N4BP2L2: variants seen among roughly 807,000 people sequenced by gnomAD.
The protein encoded by N4BP2L2 is NEDD4 binding protein 2 like 2.
Under a neutral mutation model 56.2 loss-of-function variants are expected in N4BP2L2, and 50 were observed. The ratio of observed to expected loss-of-function variants is 0.89; its 90% CI spans 0.71 to 1.13. The LOEUF (loss-of-function observed/expected upper bound fraction) is 1.13, where lower values mean the gene tolerates loss of function less well. N4BP2L2 is among the 50% of genes most tolerant of loss of function. N4BP2L2 has a pLI of 0.00. For synonymous variants in N4BP2L2, 203 were observed against 223.6 expected (o/e 0.91, Z 0.82); for missense variants, 689 against 693.8 (o/e 0.99, Z 0.08).
chr13:32,434,170 G>A (rs1435066958), intron 9 of N4BP2L2, among the ~76,000 whole-genome samples: 3 of 150,566 alleles, frequency 2.0e-5, no homozygotes, highest in Non-Finnish European at 3.0e-5. Flanking sequence ...TCCGCCTCCC[G>A]GGTTCAAACA....
At chr13:32,518,725 T>C (rs1279654678) in intron 5 of N4BP2L2, among the ~76,000 whole-genome samples, 2 of 152,180 alleles carry the variant, frequency 1.3e-5, no homozygotes, top group Non-Finnish European at 2.9e-5. Flanking sequence ...TAACTGTGAC[T>C]GGGAAGAGGA....
chr13:32,462,098 T>A (rs892602478), intron 6 of N4BP2L2, among the ~76,000 whole-genome samples: 3 of 152,056 alleles, frequency 2.0e-5, no homozygotes, highest in African/African-American at 7.2e-5. Context: ...GGGATATTTA[T>A]CCAAAGGAAA....
At chr13:32,522,362 T>A in intron 3 of N4BP2L2, 92 bp from the exon 4 acceptor site, 2 of 832,558 alleles carry the variant, frequency 2.4e-6, no homozygotes, top group Non-Finnish European at 3.5e-6. Flanking sequence ...GTACTACGTC[T>A]CTGTACTTAA....
intron 2 of N4BP2L2, among the ~76,000 whole-genome samples, chr13:32,534,944 A>G (rs1232313100): frequency 6.6e-6 from 1 of 152,244 alleles, no homozygotes; most frequent in Non-Finnish European, 1.5e-5. Flanking sequence ...TAAACAAAAA[A>G]AGGAATTTGA....
chr13:32,448,523 G>A (rs2077376096), intron 6 of N4BP2L2, among the ~76,000 whole-genome samples: 2 of 152,168 alleles, frequency 1.3e-5, no homozygotes, highest in Admixed American at 1.3e-4. Context: ...CTTTCTAGAT[G>A]ATGGCTTAGA....
downstream of N4BP2L2, chr13:32,506,617 G>T (rs545553435): frequency 6.6e-6 from 1 of 152,208 alleles, no homozygotes; most frequent in African/African-American, 2.4e-5. Context: ...ATGTATTTGG[G>T]ACCTCATCAA....
intron 2 of N4BP2L2, among the ~76,000 whole-genome samples, chr13:32,532,126 AT>A (rs1246554425): frequency 1.3e-5 from 2 of 152,228 alleles, no homozygotes; most frequent in Non-Finnish European, 2.9e-5. Flanking sequence ...AATTTGCAAA[AT>A]CCAATTTACC....
At chr13:32,528,976 C>T (rs2053877942) in intron 2 of N4BP2L2, among the ~76,000 whole-genome samples, 1 of 152,144 alleles carries the variant, frequency 6.6e-6, no homozygotes, top group African/African-American at 2.4e-5. Flanking sequence ...TGCACATCCT[C>T]CCATACACTT....
intron 6 of N4BP2L2, among the ~76,000 whole-genome samples, chr13:32,482,853 A>C (rs1403025261): frequency 6.6e-6 from 1 of 152,222 alleles, no homozygotes; most frequent in African/African-American, 2.4e-5. Context: ...TACAAAATTT[A>C]AATTTCTCTT....
chr13:32,520,978 T>A (rs1435142323), intron 5 of N4BP2L2, among the ~76,000 whole-genome samples: 2 of 152,216 alleles, frequency 1.3e-5, no homozygotes, highest in Non-Finnish European at 2.9e-5. Context: ...AGATGTTTGA[T>A]TATAACATGC....
rs768260365 is a variant in N4BP2L2 at position 32,443,019 on chromosome 13, A to G, written c.1473T>C (p.Arg491=). The change falls in exon 7 of 10, where the codon CGT becomes CGC. Residue 491 remains arginine (R), a synonymous_variant. Transcript: ENST00000357505. Reference sequence around the variant, plus strand: ...ATTTCTCCCTTTCTTTTACACCGATACGACTCTGTCCTAATAAGTCAAAAT... The same window carrying G: ...ATTTCTCCCTTTCTTTTACACCGATGCGACTCTGTCCTAATAAGTCAAAAT... 1.7e-5 allele frequency: 27 copies of G among 1,613,370 alleles called. No individual in the cohort carries two copies. The South Asian group carries it at 3.0e-4, about 18-fold the overall frequency.
chr13:32,441,052 G>C (rs1328040064), intron 7 of N4BP2L2, among the ~76,000 whole-genome samples: 1 of 149,602 alleles, frequency 6.7e-6, no homozygotes, highest in Non-Finnish European at 1.5e-5. Flanking sequence ...GCATGTTTTC[G>C]TCATGTTAGC....
chr13:32,530,546 G>C (rs1158112879), intron 2 of N4BP2L2, among the ~76,000 whole-genome samples: 1 of 152,074 alleles, frequency 6.6e-6, no homozygotes, highest in African/African-American at 2.4e-5. Flanking sequence ...GGGCTCATTG[G>C]CCACTTGATT....
In N4BP2L2 at chr13:32,441,779, C is replaced by T. The variant is rs184622319; in HGVS notation, c.2104+609G>A. On this transcript the variant is annotated intron_variant, in intron 7 of 9. Transcript: ENST00000357505. ...AAAGGTTTGGCCGGGCGCGGTGGCTCACGCCTGTAATCCCAGCACTTTGGG... is the reference window on the plus strand; with the variant it reads ...AAAGGTTTGGCCGGGCGCGGTGGCTTACGCCTGTAATCCCAGCACTTTGGG... Among the ~76,000 whole-genome samples, 1,378 of 149,902 alleles carry T rather than the reference C, an allele frequency of 9.2e-3. 29 individuals carry two copies. The highest frequency in any genetic ancestry group is 0.032 in the African/African-American group (1,325 of 41,102).
exon 6 of N4BP2L2, chr13:32,513,256 C>T (rs1418475611): frequency 2.6e-5 from 4 of 152,242 alleles, no homozygotes; most frequent in African/African-American, 9.6e-5. Context: ...AAAACTTAGG[C>T]TTAACATATT....
At chr13:32,455,403 AGGGCTCAT>A (rs997397076) in intron 6 of N4BP2L2, among the ~76,000 whole-genome samples, 20 of 152,274 alleles carry the variant, frequency 1.3e-4, no homozygotes, top group African/African-American at 4.6e-4. Context: ...TCCCAGCAGC[AGGGCTCAT>A]GTGCACAAGC....
intron 6 of N4BP2L2, among the ~76,000 whole-genome samples, chr13:32,459,123 G>A (rs1199177024): frequency 6.6e-6 from 1 of 151,956 alleles, no homozygotes; most frequent in African/African-American, 2.4e-5. Flanking sequence ...AAAAACCTGT[G>A]GGATACAGCA....
chr13:32,482,514 ATT>A (rs113883024), intron 6 of N4BP2L2, among the ~76,000 whole-genome samples: 8,551 of 145,648 alleles, frequency 0.059, 817 homozygotes, highest in African/African-American at 0.2. Context: ...TGACCAGCTA[ATT>A]TTTTTTTTTT....
chr13:32,506,697 A>G (rs1043214081), downstream of N4BP2L2: 1 of 152,232 alleles, frequency 6.6e-6, no homozygotes, highest in African/African-American at 2.4e-5. Flanking sequence ...GTATGTGTAC[A>G]TAGAATTTTT....
Sources: gnomAD v4.1 joint callset for allele counts (sites outside exome capture counted in the v4.1 genomes callset) on GRCh38, gnomAD v4.1.1 for gene constraint, MANE v1.5 for transcripts, NCBI Gene and HGNC (gene_info 2026-07-23, HGNC 2026-07-21) for gene names.